Variants in ADGRL3 observed in about 807,000 individuals in gnomAD.
ADGRL3 encodes calcium-independent alpha-latrotoxin receptor 3.
ADGRL3 carries 62 observed loss-of-function variants against 153.5 expected under a neutral mutation model. That is an observed-to-expected ratio of 0.40 (90% CI 0.33 to 0.50). The LOEUF (loss-of-function observed/expected upper bound fraction) is 0.50, where lower values mean the gene tolerates loss of function less well. Ranked by LOEUF, ADGRL3 falls within the 20% of genes least tolerant of loss-of-function variation. The probability of loss-of-function intolerance (pLI) is 0.47; values close to 1 mark genes in which losing one functional copy is unlikely to be tolerated. For synonymous variants in ADGRL3, 710 were observed against 672.5 expected, an observed-to-expected ratio of 1.06 and a Z score of -0.86; for missense variants, 1,641 against 1,859.4, an observed-to-expected ratio of 0.88 and a Z score of 2.16.
At chr4:61,372,086 C>A (rs957190443) in intron 1 of ADGRL3, among the ~76,000 whole-genome samples, 2 of 152,034 alleles carry the variant, frequency 1.3e-5, no homozygotes, top group Non-Finnish European at 2.9e-5. Flanking sequence ...TCCATCAGCT[C>A]CTTTAAGCAC....
chr4:61,264,439 G>T (rs1179535109), intron 1 of ADGRL3, among the ~76,000 whole-genome samples: 3 of 151,994 alleles, frequency 2.0e-5, no homozygotes, highest in Non-Finnish European at 4.4e-5. Flanking sequence ...AACTTGGAAA[G>T]ACATTATAAA....
At chr4:61,288,403 C>A (rs2094030235) in intron 1 of ADGRL3, among the ~76,000 whole-genome samples, 2 of 152,014 alleles carry the variant, frequency 1.3e-5, no homozygotes, top group African/African-American at 2.4e-5. Flanking sequence ...TTTTCAAAAT[C>A]TTTGGTTGGT....
At chr4:61,372,552 G>A (rs2096547663) in intron 1 of ADGRL3, among the ~76,000 whole-genome samples, 1 of 152,182 alleles carries the variant, frequency 6.6e-6, no homozygotes. Context: ...GGGGTCAGGG[G>A]TCAGCGATCC....
chr4:61,765,084 A>G (rs2096960283), intron 8 of ADGRL3, among the ~76,000 whole-genome samples: 1 of 152,124 alleles, frequency 6.6e-6, no homozygotes, highest in African/African-American at 2.4e-5. Flanking sequence ...TCCTGCCAGC[A>G]AAGATTATGT....
At chr4:61,698,106 A>G (rs1244386968) in intron 6 of ADGRL3, among the ~76,000 whole-genome samples, 1 of 152,062 alleles carries the variant, frequency 6.6e-6, no homozygotes, top group Non-Finnish European at 1.5e-5. Flanking sequence ...ATACTTGCCT[A>G]TTTGAAGTTA....
chr4:61,902,933 A>T (rs1205153079), intron 11 of ADGRL3, among the ~76,000 whole-genome samples: 1 of 152,192 alleles, frequency 6.6e-6, no homozygotes, highest in Non-Finnish European at 1.5e-5. Context: ...ACTAGAAAAT[A>T]TTTTATTCAA....
At chr4:61,475,306 G>A (rs1156591987) in intron 2 of ADGRL3, among the ~76,000 whole-genome samples, 1 of 152,124 alleles carries the variant, frequency 6.6e-6, no homozygotes, top group African/African-American at 2.4e-5. Context: ...TATTAGCTGG[G>A]ATACAATTAA....
At chr4:62,070,008 T>C (rs1745000023) in intron 26 of ADGRL3, 101 bp from the exon 27 acceptor site, 1 of 923,938 alleles carries the variant, frequency 1.1e-6, no homozygotes, top group African/African-American at 1.7e-5. Context: ...TAGCAATTTA[T>C]ACATATTTCA....
chr4:61,867,326 C>G (rs1227228164), intron 9 of ADGRL3, among the ~76,000 whole-genome samples: 1 of 150,924 alleles, frequency 6.6e-6, no homozygotes, highest in Non-Finnish European at 1.5e-5. Flanking sequence ...TGGGGAAACC[C>G]TGTCTCTACA....
rs185386543 is a variant in ADGRL3, at chr4:61,416,081, A to C, written c.-174+32892A>C. ...TAAAAAGTTTACATTAATATAGAAT[A>C]TAGTTTTTTAAATATGAAGGTATTT... On this transcript the variant is annotated intron_variant, in intron 2 of 26. Coordinates refer to ENST00000683033, the MANE Select transcript of ADGRL3 (RefSeq NM_001387552.1). Among the ~76,000 whole-genome samples, 11 of 152,228 alleles carry C rather than the reference A, an allele frequency of 7.2e-5. No homozygotes were observed. The East Asian group carries it at 2.1e-3, about 29-fold the overall frequency.
intron 9 of ADGRL3, among the ~76,000 whole-genome samples, chr4:61,848,905 T>C (rs779545493): frequency 1.3e-5 from 2 of 152,166 alleles, no homozygotes; most frequent in African/African-American, 2.4e-5. Context: ...GTCTAGATCA[T>C]GACAGAGGCA....
At chr4:61,753,712 T>G in intron 8 of ADGRL3, among the ~76,000 whole-genome samples, 1 of 152,342 alleles carries the variant, frequency 6.6e-6, no homozygotes, top group South Asian at 2.1e-4. Flanking sequence ...GGAATAATTT[T>G]ATTCTCTATA....
intron 2 of ADGRL3, among the ~76,000 whole-genome samples, chr4:61,389,590 T>C (rs28415588): frequency 0.36 from 53,983 of 147,938 alleles, 10,203 homozygotes; most frequent in Non-Finnish European, 0.43. Flanking sequence ...TTTTTACCCC[T>C]TTTTTTTATA....
At chr4:61,646,749 C>G (rs993636142) in intron 5 of ADGRL3, among the ~76,000 whole-genome samples, 2 of 152,160 alleles carry the variant, frequency 1.3e-5, no homozygotes, top group Non-Finnish European at 1.5e-5. Flanking sequence ...TGCCCTGCCC[C>G]CAGAGGTGGA....
intron 5 of ADGRL3, among the ~76,000 whole-genome samples, chr4:61,625,028 C>G (rs2092750487): frequency 6.6e-6 from 1 of 151,696 alleles, no homozygotes; most frequent in Non-Finnish European, 1.5e-5. Context: ...GAAAAATTGC[C>G]TAGATAATGA....
intron 5 of ADGRL3, among the ~76,000 whole-genome samples, chr4:61,625,452 A>G (rs760829868): frequency 1.2e-4 from 18 of 152,252 alleles, no homozygotes; most frequent in Middle Eastern, 3.4e-3. Context: ...GCACACATGT[A>G]TATACATACA....
chr4:61,775,414 G>GTA, intron 8 of ADGRL3: 3 of 663,750 alleles, frequency 4.5e-6, no homozygotes, highest in South Asian at 4.3e-5. Context: ...GTGTGTGTGT[G>GTA]TGTGTGTGTG....
Position 61,909,759 on chromosome 4 carries a change from T to TTG in ADGRL3, c.2073+15_2073+16insGT, listed in dbSNP as rs1553879258. The TTG allele has an allele frequency of 4.7e-6, 5 of 1,073,460 alleles. No individual in the cohort carries two copies. The highest frequency in any genetic ancestry group is 3.1e-5 in the Admixed American group (1 of 31,824). The allele number at this position is 1,073,460 out of a possible 1,614,324, so 66.5% of individuals were successfully genotyped here. A position where few individuals can be genotyped will look rare whatever the true frequency, so the allele number is the denominator to read the frequency against. On this transcript the variant is annotated intron_variant, in intron 12 of 26. Coordinates refer to ENST00000683033, the MANE Select transcript of ADGRL3 (RefSeq NM_001387552.1). Reference sequence around the variant, plus strand: ...AGTTTGAACAAGGTAAGGACCCTAATTATGTGTGTGTGTGTGTGTGTGTGT... The same window carrying TTG: ...AGTTTGAACAAGGTAAGGACCCTAATTGTATGTGTGTGTGTGTGTGTGTGTGT...
chr4:61,828,416 G>C (rs2148826084), intron 9 of ADGRL3, among the ~76,000 whole-genome samples: 1 of 152,132 alleles, frequency 6.6e-6, no homozygotes, highest in South Asian at 2.1e-4. Flanking sequence ...AAAAGCGCAG[G>C]GTGCGGGGGA....
Sources: gnomAD v4.1 joint callset for allele counts (sites outside exome capture counted in the v4.1 genomes callset) on GRCh38, gnomAD v4.1.1 for gene constraint, MANE v1.5 for transcripts, NCBI Gene and HGNC (gene_info 2026-07-23, HGNC 2026-07-21) for gene names.